The following ZNF438 variants were observed in gnomAD, a reference collection of about 807,000 sequenced individuals.
The protein encoded by ZNF438 is zinc finger protein 438.
A neutral mutation model predicts 38.0 loss-of-function variants in ZNF438; 25 were observed. That is an observed-to-expected ratio of 0.66 (90% CI 0.48 to 0.92). The LOEUF is 0.92. Among genes scored for constraint, ZNF438 ranks in the 40% least tolerant of loss-of-function variants. ZNF438 has a pLI of 0.00. For synonymous variants in ZNF438, 372 were observed against 364.1 expected, an observed-to-expected ratio of 1.02 and a Z score of -0.25; for missense variants, 1,007 against 999.6, an observed-to-expected ratio of 1.01 and a Z score of -0.10.
chr10:30,897,875 G>A (rs1422124204), intron 3 of ZNF438, among the ~76,000 whole-genome samples: 1 of 152,082 alleles, frequency 6.6e-6, no homozygotes, highest in South Asian at 2.1e-4. Context: ...GACAGAGATT[G>A]TTCACCTCCA....
chr10:30,909,713 AT>A (rs1373953591), intron 2 of ZNF438, among the ~76,000 whole-genome samples: 1 of 152,214 alleles, frequency 6.6e-6, no homozygotes, highest in Non-Finnish European at 1.5e-5. Context: ...TCCATCCCAA[AT>A]TAATGACACT....
At chr10:30,919,125 T>A (rs1184039857) in intron 2 of ZNF438, 1 of 152,254 alleles carries the variant, frequency 6.6e-6, no homozygotes, top group Non-Finnish European at 1.5e-5. Context: ...TTTCACATTG[T>A]CCACTTTACT....
intron 1 of ZNF438, among the ~76,000 whole-genome samples, chr10:31,030,433 G>A (rs112882820): frequency 1.8e-4 from 27 of 152,306 alleles, no homozygotes; most frequent in African/African-American, 5.3e-4. Context: ...CAGGCTAGGG[G>A]ACCAATGCGA....
Position 30,997,838 on chromosome 10 carries a change from C to T in ZNF438, c.-192+33995G>A, listed in dbSNP as rs888592879. On this transcript the variant is annotated intron_variant, in intron 1 of 5. Coordinates refer to ENST00000413025, the Ensembl canonical transcript of ZNF438. ...TATGTCATTCTTGGAGTTAAAGCTG[C>T]CATCTTGAGATGAGGAGGGGAAAAG... Among the ~76,000 whole-genome samples, 22 of 152,046 alleles carry T rather than the reference C, an allele frequency of 1.4e-4. 1 individual carries two copies. The highest frequency in any genetic ancestry group is 1.4e-3 in the Admixed American group (22 of 15,260).
chr10:30,868,504 G>A (rs2036853097), intron 4 of ZNF438, among the ~76,000 whole-genome samples: 1 of 151,766 alleles, frequency 6.6e-6, no homozygotes, highest in Non-Finnish European at 1.5e-5. Context: ...TTAGGATTTT[G>A]TTGCCCATTA....
upstream of ZNF438, among the ~76,000 whole-genome samples, chr10:31,032,154 C>T (rs1208661101): frequency 1.3e-5 from 2 of 152,238 alleles, no homozygotes; most frequent in Non-Finnish European, 2.9e-5. Flanking sequence ...GAGGGGCCGA[C>T]AAAAGGGGAC....
At chr10:31,012,579 G>T (rs1375088847) in intron 1 of ZNF438, among the ~76,000 whole-genome samples, 2 of 151,964 alleles carry the variant, frequency 1.3e-5, no homozygotes, top group African/African-American at 4.8e-5. Flanking sequence ...TGATCTAGGG[G>T]GCCATAGCAC....
At chr10:30,882,223 C>T (rs796335789) in intron 3 of ZNF438, among the ~76,000 whole-genome samples, 3 of 152,248 alleles carry the variant, frequency 2.0e-5, no homozygotes, top group African/African-American at 7.2e-5. Flanking sequence ...TCCCAATTTA[C>T]AATGGGCTAA....
rs2049054630 is a variant in ZNF438, at chr10:30,958,020, A to G, written c.-191-16369T>C. On this transcript the variant is annotated intron_variant, in intron 1 of 5. Coordinates refer to ENST00000413025, the Ensembl canonical transcript of ZNF438. ...TTTGTAGTATAATTTGAAGTCAGGTAGTGTGATGCCTCCAGCTTTGTTCTT... is the reference window on the plus strand; with the variant it reads ...TTTGTAGTATAATTTGAAGTCAGGTGGTGTGATGCCTCCAGCTTTGTTCTT... Among the ~76,000 whole-genome samples, 2 of 146,860 alleles carry G rather than the reference A, an allele frequency of 1.4e-5. 1 individual carries two copies. The highest frequency in any genetic ancestry group is 3.1e-5 in the Non-Finnish European group (2 of 64,774).
chr10:30,923,014 G>C (rs2044496105), intron 2 of ZNF438, among the ~76,000 whole-genome samples: 1 of 152,154 alleles, frequency 6.6e-6, no homozygotes, highest in African/African-American at 2.4e-5. Context: ...AAGCCTTTTT[G>C]ATAAATTTCT....
intron 2 of ZNF438, among the ~76,000 whole-genome samples, chr10:30,918,765 C>T (rs948989038): frequency 5.3e-5 from 8 of 152,088 alleles, no homozygotes; most frequent in African/African-American, 1.9e-4. Flanking sequence ...GGAAATCAGG[C>T]TGGGGAATTT....
chr10:30,972,618 A>G (rs892953734), intron 1 of ZNF438, among the ~76,000 whole-genome samples: 1 of 152,128 alleles, frequency 6.6e-6, no homozygotes, highest in Non-Finnish European at 1.5e-5. Context: ...CATGGGCCAG[A>G]CTCAGCCTGG....
chr10:30,949,592 G>T (rs973135921), intron 1 of ZNF438, among the ~76,000 whole-genome samples: 1 of 152,134 alleles, frequency 6.6e-6, no homozygotes, highest in African/African-American at 2.4e-5. Context: ...AAAGGCAGGG[G>T]TTGTAATACT....
At chr10:30,926,270 G>A (rs1366176783) in intron 2 of ZNF438, among the ~76,000 whole-genome samples, 1 of 152,196 alleles carries the variant, frequency 6.6e-6, no homozygotes, top group Non-Finnish European at 1.5e-5. Context: ...TTTACTGTAT[G>A]TAAGTTATAG....
At chr10:30,884,870 G>T (rs1445394441) in intron 3 of ZNF438, among the ~76,000 whole-genome samples, 3 of 152,140 alleles carry the variant, frequency 2.0e-5, no homozygotes, top group Admixed American at 1.3e-4. Flanking sequence ...CTTTGTTAAG[G>T]TTCCTAAAAA....
chr10:30,930,304 A>C (rs2045504082), intron 2 of ZNF438, among the ~76,000 whole-genome samples: 1 of 152,108 alleles, frequency 6.6e-6, no homozygotes, highest in Non-Finnish European at 1.5e-5. Context: ...CACCCTCCGC[A>C]GCTGTTGGCC....
At chr10:30,873,207 G>T (rs1268297871) in intron 4 of ZNF438, among the ~76,000 whole-genome samples, 1 of 152,098 alleles carries the variant, frequency 6.6e-6, no homozygotes, top group Non-Finnish European at 1.5e-5. Flanking sequence ...CCTAAATCCT[G>T]AAAGAATGAT....
At chr10:31,011,537 G>C (rs912697349) in intron 1 of ZNF438, among the ~76,000 whole-genome samples, 2 of 152,182 alleles carry the variant, frequency 1.3e-5, no homozygotes, top group Non-Finnish European at 2.9e-5. Flanking sequence ...AGCTGGTGAG[G>C]AAGAGAGTCA....
At chr10:30,947,858 G>T (rs563018216) in intron 1 of ZNF438, among the ~76,000 whole-genome samples, 1 of 150,614 alleles carries the variant, frequency 6.6e-6, no homozygotes, top group Non-Finnish European at 1.5e-5. Flanking sequence ...CTTCCCAAGT[G>T]AGGCAATGCC....
Sources: allele counts gnomAD v4.1 joint callset (sites outside exome capture counted in the v4.1 genomes callset), GRCh38; gene constraint gnomAD v4.1.1; transcripts MANE v1.5; gene names NCBI Gene and HGNC (gene_info 2026-07-23, HGNC 2026-07-21).